Variants in HRH1 observed in about 807,000 individuals in gnomAD.
HRH1 encodes the protein histamine receptor H1, also known as histamine H1 receptor.
A neutral mutation model predicts 10.3 loss-of-function variants in HRH1; 6 were observed. That is an observed-to-expected ratio of 0.58 (90% CI 0.32 to 1.15). The LOEUF is 1.15. Among genes scored for constraint, HRH1 ranks in the 50% most tolerant of loss-of-function variants. The probability of loss-of-function intolerance (pLI) is 0.05; values close to 1 mark genes in which losing one functional copy is unlikely to be tolerated. For missense variants in HRH1, 514 were observed against 615.3 expected (o/e 0.84, Z 1.74); for synonymous variants, 242 against 236.7 (o/e 1.02, Z -0.21).
intron 1 of HRH1, among the ~76,000 whole-genome samples, chr3:11,211,671 G>A (rs1007808437): frequency 2.0e-5 from 3 of 152,208 alleles, no homozygotes; most frequent in African/African-American, 7.2e-5. Context: ...GATAAATGAA[G>A]AGAGTTGGAA....
At chr3:11,254,409 A>G (rs1374463535) in intron 1 of HRH1, among the ~76,000 whole-genome samples, 1 of 152,216 alleles carries the variant, frequency 6.6e-6, no homozygotes, top group African/African-American at 2.4e-5. Context: ...CGGACTCTGC[A>G]CTTGCTCTGC....
intron 1 of HRH1, among the ~76,000 whole-genome samples, chr3:11,146,780 A>G (rs778325955): frequency 6.6e-5 from 10 of 152,210 alleles, no homozygotes; most frequent in Non-Finnish European, 1.3e-4. Context: ...GAAGAACCTC[A>G]TATGTCTACC....
chr3:11,248,147 C>A (rs926948896), intron 1 of HRH1, among the ~76,000 whole-genome samples: 1 of 152,194 alleles, frequency 6.6e-6, no homozygotes, highest in Non-Finnish European at 1.5e-5. Context: ...ACAAACTCCG[C>A]CTTTTTCAGC....
chr3:11,255,524 A>G (rs1453180464), intron 1 of HRH1, among the ~76,000 whole-genome samples: 1 of 152,204 alleles, frequency 6.6e-6, no homozygotes. Context: ...TAATTTGGAA[A>G]GTTTATTTTG....
intron 1 of HRH1, among the ~76,000 whole-genome samples, chr3:11,209,421 T>G (rs1455528815): frequency 6.6e-6 from 1 of 152,224 alleles, no homozygotes; most frequent in Non-Finnish European, 1.5e-5. Flanking sequence ...ATGCTAATTT[T>G]TAATTGCCTA....
At chr3:11,246,534 C>G (rs185712118) in intron 1 of HRH1, among the ~76,000 whole-genome samples, 6 of 152,140 alleles carry the variant, frequency 3.9e-5, no homozygotes, top group African/African-American at 1.2e-4. Flanking sequence ...ATACAGGTCC[C>G]GAAGGGAGGG....
intron 1 of HRH1, among the ~76,000 whole-genome samples, chr3:11,157,115 A>G (rs1447841565): frequency 6.6e-6 from 1 of 152,210 alleles, no homozygotes. Context: ...GATTTGGGAC[A>G]GTTTTCAATC....
intron 1 of HRH1, among the ~76,000 whole-genome samples, chr3:11,191,346 C>T (rs1020478322): frequency 1.3e-5 from 2 of 152,124 alleles, no homozygotes; most frequent in Non-Finnish European, 2.9e-5. Context: ...AGTTTCTCAA[C>T]ACACCTGAAA....
At chr3:11,226,901 A>G (rs879575722) in intron 1 of HRH1, among the ~76,000 whole-genome samples, 61 of 152,034 alleles carry the variant, frequency 4.0e-4, no homozygotes, top group Admixed American at 6.5e-4. Flanking sequence ...AAAAAAAAAA[A>G]AAGAAGATAC....
At chr3:11,159,130 C>T (rs943641897) in intron 1 of HRH1, among the ~76,000 whole-genome samples, 1 of 152,146 alleles carries the variant, frequency 6.6e-6, no homozygotes, top group Admixed American at 6.5e-5. Context: ...TGCCTGTAGT[C>T]CCAGCTACTT....
chr3:11,181,651 A>G (rs1183188564), intron 1 of HRH1, among the ~76,000 whole-genome samples: 18 of 57,432 alleles, frequency 3.1e-4, no homozygotes, highest in African/African-American at 2.2e-3. Flanking sequence ...TTTTTTTTTG[A>G]GACGGAGTCT....
rs147448358 is a variant in HRH1, at chr3:11,163,779, C to T, written c.-36+9225C>T. On this transcript the variant is annotated intron_variant, in intron 1 of 1. Coordinates refer to ENST00000431010, the MANE Select transcript of HRH1 (RefSeq NM_001098212.2). Reference sequence around the variant, plus strand: ...ATATGTGTTCTCATGTATTTATATACACCTCTCTCTCTCTTTTCACCTCAT... The same window carrying T: ...ATATGTGTTCTCATGTATTTATATATACCTCTCTCTCTCTTTTCACCTCAT... Among the ~76,000 whole-genome samples the T allele has an allele frequency of 3.7e-3, 563 of 152,214 alleles. 8 individuals carry two copies. Among genetic ancestry groups the T allele is most frequent in the African/African-American group, 0.013 (546 of 41,508 alleles).
intron 1 of HRH1, among the ~76,000 whole-genome samples, chr3:11,167,156 G>C (rs1288319583): frequency 3.5e-5 from 5 of 142,938 alleles, no homozygotes; most frequent in Admixed American, 3.5e-4. Context: ...TATTCTCCAG[G>C]CCCGTGACAT....
chr3:11,196,793 G>A (rs59321547), intron 1 of HRH1, among the ~76,000 whole-genome samples: 6,618 of 151,978 alleles, frequency 0.044, 418 homozygotes, highest in African/African-American at 0.13. Flanking sequence ...GCAGCATCAG[G>A]ATCACCTGGC....
intron 1 of HRH1, among the ~76,000 whole-genome samples, chr3:11,202,404 C>CAGTAAATA (rs1937956854): frequency 1.4e-5 from 2 of 140,576 alleles, no homozygotes; most frequent in African/African-American, 5.4e-5. Context: ...GACTCCATCT[C>CAGTAAATA]AATAAATAAA....
chr3:11,155,146 C>T (rs1314108774), intron 1 of HRH1, among the ~76,000 whole-genome samples: 5 of 152,158 alleles, frequency 3.3e-5, no homozygotes, highest in African/African-American at 9.7e-5. Flanking sequence ...GCCCCAGGCT[C>T]AGCGTCACCT....
intron 1 of HRH1, among the ~76,000 whole-genome samples, chr3:11,148,500 G>A (rs114879119): frequency 5.3e-5 from 8 of 152,252 alleles, no homozygotes; most frequent in African/African-American, 1.4e-4. Flanking sequence ...TGGTGTCAGC[G>A]ACTGAGGTTA....
chr3:11,143,082 A>C (rs1288849903), intron 1 of HRH1, among the ~76,000 whole-genome samples: 1 of 152,134 alleles, frequency 6.6e-6, no homozygotes, highest in Non-Finnish European at 1.5e-5. Flanking sequence ...GGGAACAGTG[A>C]AAGGAGGTGA....
intron 1 of HRH1, among the ~76,000 whole-genome samples, chr3:11,176,475 G>A (rs373007901): frequency 7.0e-4 from 106 of 152,224 alleles, no homozygotes; most frequent in African/African-American, 2.4e-3. Flanking sequence ...ACGTGGGGTG[G>A]GGTGGGGTCT....
Sources: gnomAD v4.1 joint callset for allele counts (sites outside exome capture counted in the v4.1 genomes callset) on GRCh38, gnomAD v4.1.1 for gene constraint, MANE v1.5 for transcripts, NCBI Gene and HGNC (gene_info 2026-07-23, HGNC 2026-07-21) for gene names.